Variants in PSD3 observed in about 807,000 individuals in gnomAD.
PSD3 encodes the protein pleckstrin and Sec7 domain containing 3.
In PSD3, 49 loss-of-function variants were observed where a neutral mutation model predicts 105.5. That is an observed-to-expected ratio of 0.46 (90% CI 0.37 to 0.59). The LOEUF (loss-of-function observed/expected upper bound fraction) is 0.59, where lower values mean the gene tolerates loss of function less well. Among genes scored for constraint, PSD3 ranks in the 20% least tolerant of loss-of-function variants. The pLI is 0.00. For synonymous variants in PSD3, 557 were observed against 457.8 expected (o/e 1.22, Z -2.77); for missense variants, 1,561 against 1,263.8 (o/e 1.24, Z -3.57).
intron 1 of PSD3, among the ~76,000 whole-genome samples, chr8:18,968,634 T>C (rs1045401847): frequency 6.6e-6 from 1 of 152,244 alleles, no homozygotes; most frequent in African/African-American, 2.4e-5. Context: ...CCCAGCACTT[T>C]GGGAGACCGA....
chr8:18,579,571 T>G (rs1041687545), intron 12 of PSD3, among the ~76,000 whole-genome samples: 1 of 152,224 alleles, frequency 6.6e-6, no homozygotes, highest in African/African-American at 2.4e-5. Context: ...GATTTCACAA[T>G]GCTATTTATT....
rs145206894 is a variant in PSD3 at position 18,938,659 on chromosome 8, G to T, written c.22-2517C>A. Among the ~76,000 whole-genome samples, 584 of 150,872 alleles carry T rather than the reference G, an allele frequency of 3.9e-3. 4 individuals are homozygous for T. The highest frequency in any genetic ancestry group is 0.013 in the African/African-American group (551 of 41,078). ...AAAAAAAAAAAAGAGGGAAAGGGGA[G>T]ATTAAGGTTAATTAGAATAGATACT... is the stretch of plus-strand genomic sequence containing the variant. On this transcript the variant is annotated intron_variant, in intron 1 of 15. Coordinates refer to ENST00000327040, the MANE Select transcript of PSD3 (RefSeq NM_015310.4).
chr8:18,818,144 G>A (rs1033495242), intron 4 of PSD3, among the ~76,000 whole-genome samples: 1 of 152,036 alleles, frequency 6.6e-6, no homozygotes. Context: ...TAGTAGAGAA[G>A]GGGTTTTGCC....
At chr8:18,957,105 C>T (rs1430929982) in intron 1 of PSD3, among the ~76,000 whole-genome samples, 1 of 152,162 alleles carries the variant, frequency 6.6e-6, no homozygotes, top group Non-Finnish European at 1.5e-5. Context: ...GGCATGGTGG[C>T]TTTCACCTCT....
intron 1 of PSD3, among the ~76,000 whole-genome samples, chr8:19,078,539 G>A (rs1489443486): frequency 6.6e-6 from 1 of 152,050 alleles, no homozygotes; most frequent in Non-Finnish European, 1.5e-5. Context: ...TTGGCTGTCT[G>A]TATTTTCTCC....
chr8:18,782,287 A>G (rs1486517015), intron 8 of PSD3, among the ~76,000 whole-genome samples: 1 of 151,748 alleles, frequency 6.6e-6, no homozygotes, highest in Admixed American at 6.6e-5. Context: ...CTGGTGTAAC[A>G]TTTGCTTCAT....
chr8:18,918,062 G>C lies in PSD3; in HGVS notation c.130+17972C>G, dbSNP rs77985185. ...TGATTTCCTAAACCCTAAATGTGGAGAATCAATCCATTATTTTTTTAAAAA... is the reference window on the plus strand; with the variant it reads ...TGATTTCCTAAACCCTAAATGTGGACAATCAATCCATTATTTTTTTAAAAA... On this transcript the variant is annotated intron_variant, in intron 2 of 15. Transcript: ENST00000327040. Among the ~76,000 whole-genome samples the C allele has an allele frequency of 4.6e-3, 703 of 152,206 alleles. 7 individuals carry two copies. Among genetic ancestry groups the C allele is most frequent in the African/African-American group, 0.016 (645 of 41,536 alleles).
chr8:19,066,895 T>G (rs533556762), intron 1 of PSD3, among the ~76,000 whole-genome samples: 1 of 152,332 alleles, frequency 6.6e-6, no homozygotes, highest in African/African-American at 2.4e-5. Context: ...ATTATTCATT[T>G]CCATAGCATC....
intron 4 of PSD3, among the ~76,000 whole-genome samples, 183 bp downstream of exon 4, chr8:18,867,491 G>GT (rs1378199081): frequency 6.6e-6 from 1 of 152,150 alleles, no homozygotes; most frequent in African/African-American, 2.4e-5. Context: ...GTGTGCCAAT[G>GT]TGACAAACCA....
chr8:18,719,461 A>G (rs1264286494), intron 9 of PSD3, among the ~76,000 whole-genome samples: 1 of 152,198 alleles, frequency 6.6e-6, no homozygotes, highest in African/African-American at 2.4e-5. Flanking sequence ...CATTATCTTT[A>G]TTATGTGCTA....
intron 1 of PSD3, among the ~76,000 whole-genome samples, chr8:19,064,194 C>A (rs188660466): frequency 6.6e-6 from 1 of 152,040 alleles, no homozygotes; most frequent in East Asian, 1.9e-4. Context: ...AACGAGAACT[C>A]CAAGTACCTG....
Position 18,572,625 on chromosome 8 carries a change from G to A in PSD3, c.2687C>T (p.Ala896Val), listed in dbSNP as rs762252891. 1.9e-6 allele frequency: 3 copies of A among 1,613,880 alleles called. No homozygotes were observed. The highest frequency in any genetic ancestry group is 1.1e-5 in the South Asian group (1 of 91,074). ...QGWINKINCV[A>V]AVFSAPPFPA... ...AAATGGTGGTGCAGAAAATACAGCT[G>A]CCACACAATTGATTTTGTTTATCCA... Residue 896 changes from alanine to valine, a missense_variant, in exon 14 of 16, where the codon GCA becomes GTA. Physicochemically the swap from Ala to Val is moderately conservative, Grantham distance 64. Transcript: ENST00000327040.
chr8:18,876,731 C>T (rs983986131), intron 2 of PSD3, among the ~76,000 whole-genome samples: 1 of 152,056 alleles, frequency 6.6e-6, no homozygotes. Context: ...TCTATATATA[C>T]CTAGGAGTGA....
intron 12 of PSD3, among the ~76,000 whole-genome samples, chr8:18,580,697 T>C (rs2717719): frequency 0.83 from 126,553 of 152,142 alleles, 53,540 homozygotes; most frequent in South Asian, 0.94. Context: ...TCTGTGATAG[T>C]AAATGTACGT....
intron 1 of PSD3, among the ~76,000 whole-genome samples, chr8:18,988,297 G>A (rs1302595592): frequency 6.6e-6 from 1 of 151,984 alleles, no homozygotes; most frequent in East Asian, 1.9e-4. Flanking sequence ...GGGAATGAAA[G>A]GAAAAGCACG....
Position 18,530,039 on chromosome 8 carries a change from G to C in PSD3, c.*5704C>G, listed in dbSNP as rs187280889. 3.0e-3 allele frequency: 464 copies of C among 152,698 alleles called. 5 individuals are homozygous for C. The highest frequency in any genetic ancestry group is 8.6e-3 in the Admixed American group (132 of 15,302). The allele number at this position is 152,698 out of a possible 1,614,324, so 9.5% of individuals were successfully genotyped here. ...CAACACATTACTGCAGCCTGGAGCT[G>C]AAGTTAGTCTCCCACCCCACAATTC... On this transcript the variant is annotated 3_prime_UTR_variant, in exon 16 of 16. Transcript: ENST00000327040.
chr8:18,791,426 A>T (rs952763156), intron 8 of PSD3, among the ~76,000 whole-genome samples: 1 of 152,198 alleles, frequency 6.6e-6, no homozygotes, highest in Non-Finnish European at 1.5e-5. Flanking sequence ...ATAAGACTGC[A>T]TGCCTACAAC....
chr8:18,683,164 G>A (rs1333473362), intron 9 of PSD3, among the ~76,000 whole-genome samples: 3 of 152,172 alleles, frequency 2.0e-5, no homozygotes, highest in Non-Finnish European at 4.4e-5. Flanking sequence ...CAAGACAGCT[G>A]CAAAAACACG....
At chr8:18,736,679 G>C (rs554588116) in intron 9 of PSD3, among the ~76,000 whole-genome samples, 1 of 152,020 alleles carries the variant, frequency 6.6e-6, no homozygotes, top group Non-Finnish European at 1.5e-5. Context: ...GTTGAGATAC[G>C]GAAATAATGG....
Sources: allele counts gnomAD v4.1 joint callset (sites outside exome capture counted in the v4.1 genomes callset), GRCh38; gene constraint gnomAD v4.1.1; transcripts MANE v1.5; gene names NCBI Gene and HGNC (gene_info 2026-07-23, HGNC 2026-07-21).